SDK1: variants seen among roughly 807,000 people sequenced by gnomAD.
SDK1 encodes the protein sidekick cell adhesion molecule 1.
SDK1 carries 157 observed loss-of-function variants against 245.5 expected under a neutral mutation model. The ratio of observed to expected loss-of-function variants is 0.64; its 90% confidence interval spans 0.56 to 0.73. The LOEUF (loss-of-function observed/expected upper bound fraction) is 0.73. SDK1 is among the 30% of genes least tolerant of loss of function. The pLI is 0.00. For synonymous variants in SDK1, 1,647 were observed against 1,278.5 expected, an observed-to-expected ratio of 1.29 and a Z score of -6.15; for missense variants, 3,583 against 3,002.3, an observed-to-expected ratio of 1.19 and a Z score of -4.52.
intron 44 of SDK1, among the ~76,000 whole-genome samples, chr7:4,251,792 A>G (rs1032327110): frequency 2.0e-5 from 3 of 152,374 alleles, no homozygotes; most frequent in African/African-American, 7.2e-5. Flanking sequence ...TAGTGGTCTC[A>G]GACCTGCTCT....
Position 3,799,037 on chromosome 7 carries a change from C to T in SDK1, c.714-22413C>T, listed in dbSNP as rs151015209. Among the ~76,000 whole-genome samples the T allele has an allele frequency of 3.5e-3, 530 of 152,238 alleles. 3 individuals are homozygous for T. Among genetic ancestry groups the T allele is most frequent in the African/African-American group, 0.012 (497 of 41,546 alleles). On this transcript the variant is annotated intron_variant, in intron 4 of 44. Coordinates refer to ENST00000404826, the MANE Select transcript of SDK1 (RefSeq NM_152744.4). ...CTCCTGCAAGGAAGGTTTGTCTCTT[C>T]GCCTTCAATTATTTATTATTCAATC...
intron 20 of SDK1, among the ~76,000 whole-genome samples, chr7:4,074,474 G>A (rs1372296246): frequency 6.6e-6 from 1 of 152,152 alleles, no homozygotes; most frequent in Non-Finnish European, 1.5e-5. Flanking sequence ...AATTTCAAAG[G>A]TGTGTTGTGA....
chr7:3,829,094 G>C (rs975489934), intron 5 of SDK1, among the ~76,000 whole-genome samples: 1 of 152,112 alleles, frequency 6.6e-6, no homozygotes, highest in African/African-American at 2.4e-5. Context: ...AGATTCCTTT[G>C]AATACATATA....
chr7:3,803,431 C>G (rs1397189892), intron 4 of SDK1, among the ~76,000 whole-genome samples: 1 of 151,924 alleles, frequency 6.6e-6, no homozygotes, highest in Non-Finnish European at 1.5e-5. Context: ...CCACCTCAGC[C>G]TCCTGAGTAG....
At chr7:4,197,057 TCTG>T (rs1364532328) in intron 35 of SDK1, among the ~76,000 whole-genome samples, 3 of 152,230 alleles carry the variant, frequency 2.0e-5, no homozygotes, top group African/African-American at 7.2e-5. Flanking sequence ...CCTCCAACGA[TCTG>T]CTGTGCAATC....
chr7:3,487,425 C>A (rs1447152888), intron 1 of SDK1, among the ~76,000 whole-genome samples: 1 of 151,616 alleles, frequency 6.6e-6, no homozygotes, highest in East Asian at 1.9e-4. Flanking sequence ...TGGTTTGGGT[C>A]AGGAGGAGGA....
At chr7:3,784,373 C>G (rs1047939022) in intron 4 of SDK1, among the ~76,000 whole-genome samples, 1 of 151,952 alleles carries the variant, frequency 6.6e-6, no homozygotes. Context: ...TAAAAATCAA[C>G]TCAAAATGGA....
At chr7:3,994,522 A>G (rs1164991300) in intron 14 of SDK1, among the ~76,000 whole-genome samples, 1 of 151,796 alleles carries the variant, frequency 6.6e-6, no homozygotes, top group Non-Finnish European at 1.5e-5. Flanking sequence ...CATGCCTATA[A>G]TCCCAGCTAC....
chr7:4,158,330 C>T (rs763567300), intron 30 of SDK1, 118 bp from the exon 31 acceptor site: 115 of 764,164 alleles, frequency 1.5e-4, no homozygotes, highest in South Asian at 1.1e-3. Flanking sequence ...CACACAGGAG[C>T]CCAGAGCTCT....
intron 1 of SDK1, among the ~76,000 whole-genome samples, chr7:3,435,270 T>C (rs1779985980): frequency 6.7e-6 from 1 of 149,610 alleles, no homozygotes; most frequent in South Asian, 2.1e-4. Flanking sequence ...TCTATTCCAG[T>C]GTGATCACCA....
At chr7:4,139,435 ATG>A (rs1376948427) in intron 28 of SDK1, among the ~76,000 whole-genome samples, 11 of 88,978 alleles carry the variant, frequency 1.2e-4, no homozygotes, top group South Asian at 3.7e-4. Context: ...GTATGTATAT[ATG>A]TGTGTGTATA....
chr7:3,348,102 C>T (rs1039896373), intron 1 of SDK1, among the ~76,000 whole-genome samples: 1 of 152,146 alleles, frequency 6.6e-6, no homozygotes, highest in African/African-American at 2.4e-5. Flanking sequence ...AAATGTCTCT[C>T]ACCTCTAAAG....
At chr7:3,761,372 G>A (rs1413680619) in intron 4 of SDK1, among the ~76,000 whole-genome samples, 1 of 148,560 alleles carries the variant, frequency 6.7e-6, no homozygotes, top group Admixed American at 6.8e-5. Context: ...CCTTAACACG[G>A]TGAAACCCCA....
rs11975398 is a variant in SDK1 at position 3,685,003 on chromosome 7, C to G, written c.713+42898C>G. Among the ~76,000 whole-genome samples, 593 of 152,156 alleles carry G rather than the reference C, an allele frequency of 3.9e-3. 2 individuals carry two copies. Among genetic ancestry groups the G allele is most frequent in the Middle Eastern group, 0.02 (6 of 294 alleles). The stretch of plus-strand genomic sequence containing the variant: ...ACCCAAAGGGACCTGTGGGACAAGA[C>G]TGAGAGGTAACATTGGTATCATCAG... On this transcript the variant is annotated intron_variant, in intron 4 of 44. Coordinates refer to ENST00000404826, the MANE Select transcript of SDK1 (RefSeq NM_152744.4).
chr7:3,673,661 C>A (rs901471975), intron 4 of SDK1, among the ~76,000 whole-genome samples: 1 of 152,126 alleles, frequency 6.6e-6, no homozygotes, highest in Admixed American at 6.5e-5. Context: ...TAGGTAGTTT[C>A]GTCTTGCTCT....
chr7:3,666,966 CT>C (rs925465815), intron 4 of SDK1, among the ~76,000 whole-genome samples: 3 of 151,052 alleles, frequency 2.0e-5, no homozygotes, highest in Admixed American at 2.0e-4. Context: ...TTTTTATTTA[CT>C]TTTTTTTTAA....
intron 17 of SDK1, among the ~76,000 whole-genome samples, chr7:4,040,654 G>T (rs1377874916): frequency 6.6e-6 from 1 of 152,140 alleles, no homozygotes; most frequent in Non-Finnish European, 1.5e-5. Flanking sequence ...ATGAAAGATT[G>T]GTCAGACCAG....
At chr7:3,944,884 C>T (rs1212141840) in intron 5 of SDK1, among the ~76,000 whole-genome samples, 1 of 152,174 alleles carries the variant, frequency 6.6e-6, no homozygotes, top group African/African-American at 2.4e-5. Flanking sequence ...AGCCTGAGGA[C>T]ACTTGGGGCA....
chr7:4,065,649 T>C (rs1456527000), intron 19 of SDK1, among the ~76,000 whole-genome samples: 1 of 150,116 alleles, frequency 6.7e-6, no homozygotes, highest in East Asian at 2.0e-4. Context: ...TTTGAGCTTA[T>C]CTGTGAAAAG....
Sources: gnomAD v4.1 joint callset for allele counts (sites outside exome capture counted in the v4.1 genomes callset) on GRCh38, gnomAD v4.1.1 for gene constraint, MANE v1.5 for transcripts, NCBI Gene and HGNC (gene_info 2026-07-23, HGNC 2026-07-21) for gene names.